CACNG3: variants seen among roughly 807,000 people sequenced by gnomAD.
CACNG3 encodes calcium voltage-gated channel auxiliary subunit gamma 3, also known as voltage-dependent calcium channel gamma-3 subunit.
CACNG3 carries 3 observed loss-of-function variants against 28.5 expected under a neutral mutation model. The observed-to-expected ratio is 0.11, with a 90% CI of 0.05 to 0.27. CACNG3 has a LOEUF of 0.27. CACNG3 is among the 10% of genes least tolerant of loss of function. The pLI, the probability that CACNG3 is intolerant of heterozygous loss-of-function variation, is 1.00. For synonymous variants in CACNG3, 174 were observed against 162.2 expected, an observed-to-expected ratio of 1.07 and a Z score of -0.55; for missense variants, 236 against 414.4, an observed-to-expected ratio of 0.57 and a Z score of 3.74.
chr16:24,285,814 T>A (rs1341287392), intron 1 of CACNG3, among the ~76,000 whole-genome samples: 1 of 151,350 alleles, frequency 6.6e-6, no homozygotes, highest in Non-Finnish European at 1.5e-5. Flanking sequence ...ATCCTTCTGG[T>A]TCTATAGGTA....
At chr16:24,280,316 A>T (rs529201969) in intron 1 of CACNG3, among the ~76,000 whole-genome samples, 28 of 152,340 alleles carry the variant, frequency 1.8e-4, no homozygotes, top group African/African-American at 6.7e-4. Flanking sequence ...GTTTCTGGCT[A>T]ATTTCCATTC....
At chr16:24,303,234 C>A (rs559007564) in intron 1 of CACNG3, among the ~76,000 whole-genome samples, 1 of 152,274 alleles carries the variant, frequency 6.6e-6, no homozygotes, top group Non-Finnish European at 1.5e-5. Context: ...GACTCACCTA[C>A]CTTTCTGTCA....
At chr16:24,305,392 T>A (rs1899173157) in intron 1 of CACNG3, among the ~76,000 whole-genome samples, 1 of 151,094 alleles carries the variant, frequency 6.6e-6, no homozygotes, top group African/African-American at 2.4e-5. Flanking sequence ...ACAGGTTTGC[T>A]CTGTCACCCA....
intron 1 of CACNG3, among the ~76,000 whole-genome samples, chr16:24,303,455 G>T (rs1281365338): frequency 6.6e-6 from 1 of 152,090 alleles, no homozygotes; most frequent in Non-Finnish European, 1.5e-5. Context: ...CTCCTAAAGT[G>T]CTGGGACTGC....
chr16:24,351,303 G>C (rs1462411428), intron 2 of CACNG3, among the ~76,000 whole-genome samples: 1 of 152,072 alleles, frequency 6.6e-6, no homozygotes, highest in Non-Finnish European at 1.5e-5. Flanking sequence ...AGGCATGGTG[G>C]CTCATGCCTG....
chr16:24,344,275 T>C (rs1309981308), intron 1 of CACNG3, among the ~76,000 whole-genome samples: 2 of 150,982 alleles, frequency 1.3e-5, no homozygotes, highest in African/African-American at 2.4e-5. Flanking sequence ...CTACTAAAAA[T>C]ACAAAAATTA....
At chr16:24,310,180 C>T (rs891096460) in intron 1 of CACNG3, among the ~76,000 whole-genome samples, 1 of 145,136 alleles carries the variant, frequency 6.9e-6, no homozygotes, top group African/African-American at 2.8e-5. Flanking sequence ...TTAACAGACT[C>T]TGTGGACAAA....
intron 1 of CACNG3, among the ~76,000 whole-genome samples, chr16:24,284,827 C>T (rs928959919): frequency 2.0e-5 from 3 of 152,050 alleles, no homozygotes; most frequent in African/African-American, 7.2e-5. Context: ...CACTAGACCT[C>T]GCAGATAAGT....
rs755805828 is a variant in CACNG3 at position 24,361,327 on chromosome 16, T to C, written c.437-25T>C. On this transcript the variant is annotated intron_variant, in intron 3 of 3. Transcript: ENST00000005284. This position sits in a 1 kb window ranked among gnomAD's most constrained non-coding sequence, Gnocchi z 6.8. Reference sequence around the variant, plus strand: ...TTCTCTCCGAGGTGTATAAAGGACGTGTTTTTCTTTTCCCCTTCTCTTAGG... The same window carrying C: ...TTCTCTCCGAGGTGTATAAAGGACGCGTTTTTCTTTTCCCCTTCTCTTAGG... 8.0e-5 allele frequency: 123 copies of C among 1,536,410 alleles called. No individual in the cohort carries two copies. Among genetic ancestry groups the C allele is most frequent in the Non-Finnish European group, 3.5e-6 (4 of 1,139,744 alleles).
At chr16:24,299,470 T>C (rs1417440954) in intron 1 of CACNG3, among the ~76,000 whole-genome samples, 2 of 152,132 alleles carry the variant, frequency 1.3e-5, no homozygotes, top group Non-Finnish European at 2.9e-5. Flanking sequence ...GAAGAAGCCA[T>C]TTCTGCAAGG....
chr16:24,329,286 C>T (rs1231668363), intron 1 of CACNG3, among the ~76,000 whole-genome samples: 1 of 152,092 alleles, frequency 6.6e-6, no homozygotes, highest in Non-Finnish European at 1.5e-5. Context: ...AAAGATGCCC[C>T]GGATAAATGT....
chr16:24,317,550 AAG>A (rs1491444223), intron 1 of CACNG3, among the ~76,000 whole-genome samples: 1 of 129,940 alleles, frequency 7.7e-6, no homozygotes, highest in Admixed American at 8.8e-5. Flanking sequence ...AAAAAAAAAA[AAG>A]AAAAAGAAAG....
At chr16:24,274,257 A>G (rs1443498554) in intron 1 of CACNG3, among the ~76,000 whole-genome samples, 3 of 151,984 alleles carry the variant, frequency 2.0e-5, no homozygotes, top group African/African-American at 7.3e-5. Flanking sequence ...ATCTGAGATC[A>G]GCCACATATG....
chr16:24,332,563 C>T (rs1899645168), intron 1 of CACNG3, among the ~76,000 whole-genome samples: 1 of 152,054 alleles, frequency 6.6e-6, no homozygotes, highest in African/African-American at 2.4e-5. Flanking sequence ...GTAACTGACT[C>T]GTTGTTCTCT....
chr16:24,305,320 ATGTGTGTGTGTGTGTG>A (rs57584370), intron 1 of CACNG3, among the ~76,000 whole-genome samples: 22,792 of 136,154 alleles, frequency 0.17, 2,050 homozygotes, highest in African/African-American at 0.19. Flanking sequence ...ATACATAAAT[ATGTGTGTGTGTGTGTG>A]TGTGTGTGTG....
chr16:24,276,717 T>C (rs1225559474), intron 1 of CACNG3, among the ~76,000 whole-genome samples: 2 of 152,224 alleles, frequency 1.3e-5, no homozygotes, highest in Non-Finnish European at 1.5e-5. Context: ...TTGATTAAAA[T>C]GCAACCCTGC....
chr16:24,289,339 A>C (rs770431024), intron 1 of CACNG3, among the ~76,000 whole-genome samples: 1 of 152,172 alleles, frequency 6.6e-6, no homozygotes, highest in Non-Finnish European at 1.5e-5. Context: ...AAATCCCTTC[A>C]GATTGTTATG....
At chr16:24,352,371 C>G (rs777116964) in intron 2 of CACNG3, among the ~76,000 whole-genome samples, 3 of 152,030 alleles carry the variant, frequency 2.0e-5, no homozygotes, top group Non-Finnish European at 4.4e-5. Flanking sequence ...CCAAACGCAA[C>G]TCGCAGCCCA....
intron 1 of CACNG3, among the ~76,000 whole-genome samples, chr16:24,304,686 G>A (rs139783607): frequency 1.3e-4 from 20 of 152,140 alleles, no homozygotes; most frequent in African/African-American, 4.8e-4. Context: ...TTAGCCTCTC[G>A]AGGACCTGGG....
Sources: gnomAD v4.1 joint callset for allele counts (sites outside exome capture counted in the v4.1 genomes callset) on GRCh38, gnomAD v4.1.1 for gene constraint, Gnocchi (gnomAD v3.1) non-coding constraint, MANE v1.5 for transcripts, NCBI Gene and HGNC (gene_info 2026-07-23, HGNC 2026-07-21) for gene names.